Variants in PCDHA9 observed in about 807,000 individuals in gnomAD.
The protein encoded by PCDHA9 is protocadherin alpha-9.
In PCDHA9, 62 loss-of-function variants were observed where a neutral mutation model predicts 62.0. That is an observed-to-expected ratio of 1.00 (90% CI 0.81 to 1.23). The LOEUF (loss-of-function observed/expected upper bound fraction) is 1.23. Among genes scored for constraint, PCDHA9 ranks in the 50% most tolerant of loss-of-function variants. PCDHA9 has a pLI of 0.00. For missense variants in PCDHA9, 1,205 were observed against 1,249.8 expected, an observed-to-expected ratio of 0.96 and a Z score of 0.54; for synonymous variants, 557 against 567.6, an observed-to-expected ratio of 0.98 and a Z score of 0.27.
chr5:140,980,628 CAGA>C (rs1554242055), intron 2 of PCDHA9, among the ~76,000 whole-genome samples: 1 of 150,868 alleles, frequency 6.6e-6, no homozygotes, highest in Non-Finnish European at 1.5e-5. Flanking sequence ...GACTCTGTCT[CAGA>C]AGAATAAATA....
intron 3 of PCDHA9, among the ~76,000 whole-genome samples, chr5:140,990,648 A>G (rs2097404919): frequency 2.0e-5 from 3 of 152,220 alleles, no homozygotes; most frequent in Admixed American, 1.3e-4. Flanking sequence ...CTCAGCCAGT[A>G]TGAATGATTT....
At chr5:141,002,491 A>G (rs1244268735) in intron 3 of PCDHA9, among the ~76,000 whole-genome samples, 1 of 152,214 alleles carries the variant, frequency 6.6e-6, no homozygotes, top group Non-Finnish European at 1.5e-5. Flanking sequence ...TGACCTTGTT[A>G]TACAGCTCAG....
intron 3 of PCDHA9, among the ~76,000 whole-genome samples, chr5:141,000,395 CTATATATATA>C (rs1190667031): frequency 1.9e-5 from 1 of 53,986 alleles, no homozygotes; most frequent in Non-Finnish European, 3.2e-5. Context: ...CTCTCTCTCT[CTATATATATA>C]TATATATATA....
chr5:140,900,354 C>T (rs376691648), intron 1 of PCDHA9, among the ~76,000 whole-genome samples: 68 of 151,986 alleles, frequency 4.5e-4, no homozygotes, highest in African/African-American at 1.2e-3. Context: ...CTTGGCTCAC[C>T]GCAACCTCTG....
At chr5:140,916,755 G>C (rs781862005) in intron 1 of PCDHA9, among the ~76,000 whole-genome samples, 15 of 152,208 alleles carry the variant, frequency 9.9e-5, no homozygotes, top group Admixed American at 2.0e-4. Flanking sequence ...CTGGGATTAG[G>C]GGAGGGGTGG....
At position 140,848,972 on chromosome 5, in the gene PCDHA9, T is replaced by C. The variant is rs17844324; in HGVS notation, c.477T>C (p.Asp159=). ...DSRFPLEGAS[D]ADIGENALLT... is the part of the protein sequence containing the mutation. ...GGTTTCCACTAGAGGGCGCGTCCGA[T>C]GCAGATATCGGGGAGAACGCCCTGC... The change falls in exon 1 of 4, where the codon GAT becomes GAC. Residue 159 remains aspartate, a synonymous_variant. Coordinates refer to ENST00000532602, the MANE Select transcript of PCDHA9 (RefSeq NM_031857.2). The C allele has an allele frequency of 2.8e-5, 45 of 1,601,076 alleles. 3 individuals are homozygous for C. In the East Asian group the frequency reaches 9.8e-4, roughly 35 times the overall value.
At chr5:140,876,957 G>T (rs2056730695) in intron 1 of PCDHA9, 7 of 1,613,178 alleles carry the variant, frequency 4.3e-6, no homozygotes, top group Non-Finnish European at 5.9e-6. Context: ...ACTCGCTGGT[G>T]GAGCGGCGGG....
chr5:140,906,239 T>G (rs563566442), intron 1 of PCDHA9, among the ~76,000 whole-genome samples: 5 of 152,314 alleles, frequency 3.3e-5, no homozygotes, highest in Admixed American at 1.3e-4. Context: ...CCTTGTCAAC[T>G]TGAACCCATA....
At chr5:140,915,841 G>A (rs1315300132) in intron 1 of PCDHA9, among the ~76,000 whole-genome samples, 1 of 152,098 alleles carries the variant, frequency 6.6e-6, no homozygotes, top group African/African-American at 2.4e-5. Context: ...GATCAGCAGG[G>A]GGTGACACCA....
At chr5:140,988,519 T>C (rs187868159) in intron 3 of PCDHA9, among the ~76,000 whole-genome samples, 69 of 152,324 alleles carry the variant, frequency 4.5e-4, no homozygotes, top group African/African-American at 1.5e-3. Context: ...TACTTAAGTC[T>C]CTGCTGGCTC....
At chr5:140,883,987 G>C (rs782597930) in intron 1 of PCDHA9, 4 of 1,612,956 alleles carry the variant, frequency 2.5e-6, no homozygotes, top group Admixed American at 1.7e-5. Context: ...CTGGCAGCGC[G>C]GGAGGCACAG....
chr5:140,927,530 G>A (rs2084329100), intron 1 of PCDHA9: 2 of 1,614,080 alleles, frequency 1.2e-6, no homozygotes, highest in Non-Finnish European at 1.7e-6. Flanking sequence ...CTACCTGCCC[G>A]CTCAGGAGAC....
chr5:140,866,283 G>A (rs1554160187), intron 1 of PCDHA9: 1 of 152,094 alleles, frequency 6.6e-6, no homozygotes, highest in Non-Finnish European at 1.5e-5. Context: ...GACAGTGTTT[G>A]GGACAAGTAT....
rs2150478834 is a variant in PCDHA9 at position 140,850,308 on chromosome 5, G to A, written c.1813G>A (p.Ala605Thr). 1.9e-6 allele frequency: 3 copies of A among 1,597,160 alleles called. No individual in the cohort carries two copies. In the South Asian group the frequency reaches 3.3e-5, roughly 18 times the overall value. ...RAVDADSGYN[A>T]WLSYELQPET... ...AGTGGACGCCGACTCGGGCTACAAC[G>A]CGTGGCTTTCATACGAGCTGCAGCC... The change falls in exon 1 of 4, where the codon GCG becomes ACG. Residue 605 changes from alanine to threonine, a missense_variant. By Grantham distance (58) the Ala-to-Thr change is moderately conservative. Coordinates refer to ENST00000532602, the MANE Select transcript of PCDHA9 (RefSeq NM_031857.2).
rs2150499479 is a variant in PCDHA9 at position 140,850,817 on chromosome 5, G to C, written c.2322G>C (p.Pro774=). The part of the protein sequence containing the change: ...KQKTDLMAFS[P]GLSPCAGSTE... ...AGACCGACCTCATGGCCTTCAGCCC[G>C]GGCCTTTCTCCTTGTGCTGGATCTA... The change falls in exon 1 of 4, where the codon CCG becomes CCC. Residue 774 remains proline, a synonymous_variant. Transcript: ENST00000532602. 44 of 1,598,178 alleles carry C rather than the reference G, an allele frequency of 2.8e-5. 6 individuals carry two copies. The highest frequency in any genetic ancestry group is 1.7e-4 in the South Asian group (15 of 90,550).
chr5:140,870,864 C>T lies in PCDHA9; in HGVS notation c.2394+19975C>T, dbSNP rs782241816. The T allele has an allele frequency of 3.7e-6, 6 of 1,613,816 alleles. No homozygotes were observed. The African/African-American group carries it at 8.0e-5, about 22-fold the overall frequency. ...TAGTACCGCGGTCGGTGGGTGCGGG[C>T]CACGTGGTGGCGAAGGTGCGCGCAG... On this transcript the variant is annotated intron_variant, in intron 1 of 3. Coordinates refer to ENST00000532602, the MANE Select transcript of PCDHA9 (RefSeq NM_031857.2).
chr5:140,937,227 C>CG lies in PCDHA9; in HGVS notation c.2395-41718dup, dbSNP rs2091422712. Among the ~76,000 whole-genome samples the CG allele has an allele frequency of 2.0e-5, 3 of 151,930 alleles. No homozygotes were observed. The South Asian group carries it at 6.2e-4, about 32-fold the overall frequency. On this transcript the variant is annotated intron_variant, in intron 1 of 3. Transcript: ENST00000532602. Reference sequence around the variant, plus strand: ...TAATTTTTTGTATTTTTTGTAGAGACGGGGTTTCACCGTGTTAGCCAGGAT... The same window carrying CG: ...TAATTTTTTGTATTTTTTGTAGAGACGGGGGTTTCACCGTGTTAGCCAGGAT...
At chr5:140,955,654 A>G (rs2095214723) in intron 1 of PCDHA9, among the ~76,000 whole-genome samples, 1 of 152,208 alleles carries the variant, frequency 6.6e-6, no homozygotes, top group South Asian at 2.1e-4. Flanking sequence ...TAATACACAT[A>G]TGAATTTTAA....
chr5:141,002,261 C>A (rs373363788), intron 3 of PCDHA9, among the ~76,000 whole-genome samples: 1 of 152,224 alleles, frequency 6.6e-6, no homozygotes, highest in East Asian at 1.9e-4. Context: ...CACTGAAATC[C>A]CAGAGCTGGT....
Sources: allele counts gnomAD v4.1 joint callset (sites outside exome capture counted in the v4.1 genomes callset), GRCh38; gene constraint gnomAD v4.1.1; transcripts MANE v1.5; gene names NCBI Gene and HGNC (gene_info 2026-07-23, HGNC 2026-07-21).